CA10: variants seen among roughly 807,000 people sequenced by gnomAD.
The protein encoded by CA10 is carbonic anhydrase-related protein 10.
CA10 carries 14 observed loss-of-function variants against 44.2 expected under a neutral mutation model. The ratio of observed to expected loss-of-function variants is 0.32; its 90% CI spans 0.21 to 0.50. CA10 has a LOEUF of 0.50. Ranked by LOEUF, CA10 falls within the 20% of genes least tolerant of loss-of-function variation. The probability of loss-of-function intolerance (pLI) is 0.99; values close to 1 mark genes in which losing one functional copy is unlikely to be tolerated. For missense variants in CA10, 350 were observed against 409.7 expected, an observed-to-expected ratio of 0.85 and a Z score of 1.26; for synonymous variants, 159 against 141.6, an observed-to-expected ratio of 1.12 and a Z score of -0.87.
At chr17:51,692,433 A>AT (rs768539378) in intron 4 of CA10, among the ~76,000 whole-genome samples, 6,205 of 81,630 alleles carry the variant, frequency 0.076, 154 homozygotes, top group East Asian at 0.15. Context: ...CTATTTTACC[A>AT]TTTACCATGG....
chr17:52,099,510 A>G lies in CA10; in HGVS notation c.62-27117T>C, dbSNP rs962514392. ...AGTCAGTTGGCTGTTGGGGTCACTT[A>G]CTTGGTTGGGGAAAGTTGTTGTATG... On this transcript the variant is annotated intron_variant, in intron 1 of 8. Coordinates refer to ENST00000451037, the MANE Select transcript of CA10 (RefSeq NM_020178.5). 8.5e-5 allele frequency among the ~76,000 whole-genome samples: 13 copies of G among 152,172 alleles called. No homozygotes were observed. The East Asian group carries it at 2.1e-3, about 25-fold the overall frequency.
At chr17:51,663,811 C>T (rs147356509) in intron 4 of CA10, among the ~76,000 whole-genome samples, 3 of 152,288 alleles carry the variant, frequency 2.0e-5, no homozygotes, top group African/African-American at 7.2e-5. Flanking sequence ...ACAACAAAGT[C>T]AGGCCATTCA....
chr17:51,968,721 A>G (rs1380465094), intron 2 of CA10, among the ~76,000 whole-genome samples: 1 of 151,958 alleles, frequency 6.6e-6, no homozygotes, highest in Non-Finnish European at 1.5e-5. Context: ...TAAATAAAAA[A>G]TAAAAACAGT....
chr17:51,938,232 T>C (rs1052397882), intron 2 of CA10, among the ~76,000 whole-genome samples: 3 of 152,146 alleles, frequency 2.0e-5, no homozygotes, highest in African/African-American at 7.2e-5. Flanking sequence ...TCTAGCATAA[T>C]GTTGGCTCTA....
At chr17:52,098,902 C>A (rs1196120352) in intron 1 of CA10, among the ~76,000 whole-genome samples, 2 of 152,164 alleles carry the variant, frequency 1.3e-5, no homozygotes, top group African/African-American at 4.8e-5. Context: ...CGTGAGCATT[C>A]GTACCTGGTG....
At chr17:51,760,836 TAGG>T (rs1905196963) in intron 3 of CA10, among the ~76,000 whole-genome samples, 1 of 152,212 alleles carries the variant, frequency 6.6e-6, no homozygotes, top group Non-Finnish European at 1.5e-5. Flanking sequence ...AGATTAACAT[TAGG>T]AGTTTATTTC....
At chr17:51,859,223 G>T (rs1045018444) in intron 3 of CA10, among the ~76,000 whole-genome samples, 1 of 152,024 alleles carries the variant, frequency 6.6e-6, no homozygotes, top group Non-Finnish European at 1.5e-5. Context: ...ATACAAGAAA[G>T]TGTTGTAATC....
chr17:51,929,670 C>T (rs1050941726), intron 3 of CA10, among the ~76,000 whole-genome samples: 6 of 144,702 alleles, frequency 4.1e-5, no homozygotes, highest in Non-Finnish European at 7.6e-5. Flanking sequence ...TACTGACCAG[C>T]GAACTCACAC....
chr17:51,865,274 C>G (rs1353492222), intron 3 of CA10, among the ~76,000 whole-genome samples: 1 of 152,186 alleles, frequency 6.6e-6, no homozygotes, highest in Non-Finnish European at 1.5e-5. Context: ...TCTCCCCCAG[C>G]TAGAATGTAA....
At chr17:52,097,523 TC>T (rs1374789066) in intron 1 of CA10, among the ~76,000 whole-genome samples, 1 of 152,192 alleles carries the variant, frequency 6.6e-6, no homozygotes, top group Non-Finnish European at 1.5e-5. Flanking sequence ...TGAACCCAAA[TC>T]TGTATTGTTG....
At chr17:52,059,329 T>A (rs1036278222) in intron 2 of CA10, among the ~76,000 whole-genome samples, 1 of 152,124 alleles carries the variant, frequency 6.6e-6, no homozygotes, top group African/African-American at 2.4e-5. Flanking sequence ...ATACCCTGAT[T>A]CTATAGGTGA....
At chr17:52,007,363 T>A (rs1416444735) in intron 2 of CA10, among the ~76,000 whole-genome samples, 1 of 151,662 alleles carries the variant, frequency 6.6e-6, no homozygotes, top group Non-Finnish European at 1.5e-5. Flanking sequence ...AAGTAAGGTG[T>A]TTGCTAGAAT....
intron 2 of CA10, among the ~76,000 whole-genome samples, chr17:51,946,843 C>G (rs1040724522): frequency 6.6e-6 from 1 of 152,000 alleles, no homozygotes; most frequent in Non-Finnish European, 1.5e-5. Flanking sequence ...ATGAAATATA[C>G]GTTGTTTGAT....
At chr17:51,741,626 AT>A (rs1384631987) in intron 4 of CA10, among the ~76,000 whole-genome samples, 1 of 152,204 alleles carries the variant, frequency 6.6e-6, no homozygotes, top group Non-Finnish European at 1.5e-5. Context: ...CAGTGGTTTA[AT>A]GACTCATTCC....
intron 1 of CA10, among the ~76,000 whole-genome samples, chr17:52,116,737 G>A (rs1008597575): frequency 2.0e-5 from 3 of 152,230 alleles, no homozygotes; most frequent in African/African-American, 7.2e-5. Flanking sequence ...AAGGAACCCA[G>A]AAGCCTGACA....
intron 2 of CA10, among the ~76,000 whole-genome samples, chr17:52,021,842 T>C (rs1000595394): frequency 3.9e-5 from 6 of 151,920 alleles, no homozygotes; most frequent in African/African-American, 1.4e-4. Flanking sequence ...AACCTTCAAA[T>C]ATTCAATCAG....
At chr17:51,956,701 T>G (rs1026400956) in intron 2 of CA10, among the ~76,000 whole-genome samples, 2 of 152,076 alleles carry the variant, frequency 1.3e-5, no homozygotes, top group Non-Finnish European at 2.9e-5. Flanking sequence ...AGAAAAGAAA[T>G]TATGGGGAAA....
At chr17:51,979,592 A>G (rs890909109) in intron 2 of CA10, among the ~76,000 whole-genome samples, 1 of 152,124 alleles carries the variant, frequency 6.6e-6, no homozygotes, top group Non-Finnish European at 1.5e-5. Context: ...TTGGTTTTCT[A>G]TTCCTGCATT....
At chr17:51,761,763 G>T (rs1484365054) in intron 3 of CA10, 1 of 152,180 alleles carries the variant, frequency 6.6e-6, no homozygotes, top group Non-Finnish European at 1.5e-5. Context: ...CATTTGCTGT[G>T]CCGTGGAAGC....
Sources: allele counts gnomAD v4.1 joint callset (sites outside exome capture counted in the v4.1 genomes callset), GRCh38; gene constraint gnomAD v4.1.1; transcripts MANE v1.5; gene names NCBI Gene and HGNC (gene_info 2026-07-23, HGNC 2026-07-21).